The following TGFA variants were observed in gnomAD, a reference collection of about 807,000 sequenced individuals.
The protein encoded by TGFA is transforming growth factor alpha.
Under a neutral mutation model 21.7 loss-of-function variants are expected in TGFA, and 12 were observed. That is an observed-to-expected ratio of 0.55 (90% confidence interval 0.35 to 0.90). The LOEUF (loss-of-function observed/expected upper bound fraction) is 0.90. Among genes scored for constraint, TGFA ranks in the 40% least tolerant of loss-of-function variants. The pLI is 0.01. For missense variants in TGFA, 178 were observed against 210.8 expected (o/e 0.84, Z 0.96); for synonymous variants, 79 against 88.1 (o/e 0.90, Z 0.58).
chr2:70,500,612 T>C (rs1348911718), intron 2 of TGFA, among the ~76,000 whole-genome samples: 7 of 152,224 alleles, frequency 4.6e-5, no homozygotes, highest in Non-Finnish European at 1.0e-4. Flanking sequence ...CATTTTGACT[T>C]GAAACGTGAC....
At chr2:70,505,941 C>G (rs572217730) in intron 2 of TGFA, among the ~76,000 whole-genome samples, 1 of 152,306 alleles carries the variant, frequency 6.6e-6, no homozygotes, top group African/African-American at 2.4e-5. Flanking sequence ...ATAAAGCAAA[C>G]AGTGGGAGAG....
chr2:70,529,436 G>A (rs1553503406), intron 1 of TGFA, among the ~76,000 whole-genome samples: 4 of 152,154 alleles, frequency 2.6e-5, no homozygotes. Context: ...ACAGACACTG[G>A]AGCATTTTTC....
intron 3 of TGFA, among the ~76,000 whole-genome samples, chr2:70,459,613 C>T (rs75673509): frequency 0.028 from 4,195 of 152,250 alleles, 182 homozygotes; most frequent in African/African-American, 0.087. Flanking sequence ...CAGACAGTGC[C>T]GTCTTAATGC....
At chr2:70,476,716 G>A (rs147549084) in intron 2 of TGFA, among the ~76,000 whole-genome samples, 124 of 152,324 alleles carry the variant, frequency 8.1e-4, no homozygotes, top group African/African-American at 2.5e-3. Context: ...TGCAGATGCC[G>A]TGTGGGTGGA....
Position 70,471,104 on chromosome 2 carries a change from C to G in TGFA, c.95-5368G>C, listed in dbSNP as rs1221563982. On this transcript the variant is annotated intron_variant, in intron 2 of 5. Coordinates refer to ENST00000295400, the MANE Select transcript of TGFA (RefSeq NM_003236.4). ...CTATTCTGTTACGTGCATTCTCCTC[C>G]CCGCACCCCCCCCACCATATAACCA... 3.6e-5 allele frequency among the ~76,000 whole-genome samples: 5 copies of G among 139,846 alleles called. No individual in the cohort carries two copies. In the Admixed American group the frequency reaches 3.8e-4, roughly 11 times the overall value. The allele number at this position is 139,846 out of a possible 152,430, so 91.7% of individuals were successfully genotyped here. A position where few individuals can be genotyped will look rare whatever the true frequency, so the allele number is the denominator to read the frequency against.
chr2:70,500,990 CAG>C, intron 2 of TGFA, among the ~76,000 whole-genome samples: 1 of 149,476 alleles, frequency 6.7e-6, no homozygotes. Flanking sequence ...AAAAAAATTG[CAG>C]AGACTGATGT....
chr2:70,474,644 G>A (rs1670868990), intron 2 of TGFA, among the ~76,000 whole-genome samples: 1 of 152,232 alleles, frequency 6.6e-6, no homozygotes, highest in South Asian at 2.1e-4. Flanking sequence ...GCTGGAAGTA[G>A]GGTGGTGGCT....
intron 2 of TGFA, among the ~76,000 whole-genome samples, chr2:70,470,791 A>G (rs1670718122): frequency 6.6e-6 from 1 of 152,160 alleles, no homozygotes; most frequent in Admixed American, 6.5e-5. Context: ...CTCAGCCCAA[A>G]GGGCAGAGAG....
At chr2:70,492,463 G>A (rs1207933728) in intron 2 of TGFA, among the ~76,000 whole-genome samples, 3 of 152,124 alleles carry the variant, frequency 2.0e-5, no homozygotes, top group African/African-American at 4.8e-5. Flanking sequence ...TCTCACCATC[G>A]CCAGGCAAAC....
At position 70,518,528 on chromosome 2, in the gene TGFA, A is replaced by G. The variant is rs1672355406; in HGVS notation, c.41-3616T>C. 2.0e-5 allele frequency among the ~76,000 whole-genome samples: 3 copies of G among 152,274 alleles called. No homozygotes were observed. In the South Asian group the frequency reaches 6.2e-4, roughly 32 times the overall value. On this transcript the variant is annotated intron_variant, in intron 1 of 5. Transcript: ENST00000295400. ...TTAGCTCATGAGTCCCCAGAAGTGG[A>G]GCCATCCCAAAACCTATGTGCTGAT...
At chr2:70,465,850 T>G (rs111677941) in intron 2 of TGFA, 114 bp from the exon 3 acceptor site, 38 of 1,476,816 alleles carry the variant, frequency 2.6e-5, no homozygotes, top group Non-Finnish European at 3.5e-5. Context: ...GACTTTGGGT[T>G]CTCACCTGGG....
At chr2:70,514,002 G>A (rs75520173) in intron 2 of TGFA, among the ~76,000 whole-genome samples, 1 of 152,176 alleles carries the variant, frequency 6.6e-6, no homozygotes, top group Admixed American at 6.5e-5. Context: ...GGAGACACAT[G>A]CTGAGGAAAG....
At chr2:70,520,811 C>T (rs1342605132) in intron 1 of TGFA, among the ~76,000 whole-genome samples, 1 of 152,096 alleles carries the variant, frequency 6.6e-6, no homozygotes, top group Non-Finnish European at 1.5e-5. Flanking sequence ...TCTCCAACCT[C>T]CACCACTCTC....
intron 2 of TGFA, among the ~76,000 whole-genome samples, chr2:70,473,697 T>C (rs1210228571): frequency 6.6e-6 from 1 of 151,854 alleles, no homozygotes; most frequent in Non-Finnish European, 1.5e-5. Flanking sequence ...GTGTGTGGGA[T>C]GGTGGAGATG....
intron 1 of TGFA, among the ~76,000 whole-genome samples, chr2:70,526,612 T>C (rs1672643629): frequency 6.6e-6 from 1 of 152,154 alleles, no homozygotes; most frequent in Admixed American, 6.5e-5. Flanking sequence ...TTTAGCAGTG[T>C]CAATTTAAGA....
chr2:70,494,305 A>C (rs1671516803), intron 2 of TGFA, among the ~76,000 whole-genome samples: 1 of 152,244 alleles, frequency 6.6e-6, no homozygotes, highest in East Asian at 1.9e-4. Flanking sequence ...TTTGCCATGT[A>C]AGGTAGCATA....
chr2:70,491,461 A>C (rs1454392784), intron 2 of TGFA, among the ~76,000 whole-genome samples: 2 of 152,220 alleles, frequency 1.3e-5, no homozygotes, highest in Non-Finnish European at 2.9e-5. Context: ...CACTCCACTC[A>C]AGATGGCTCC....
chr2:70,465,570 G>A, intron 3 of TGFA, 46 bp downstream of exon 3: 1 of 1,612,080 alleles, frequency 6.2e-7, no homozygotes, highest in Non-Finnish European at 8.5e-7. Context: ...ATTGGATATT[G>A]GACTGACCCC....
intron 1 of TGFA, among the ~76,000 whole-genome samples, chr2:70,550,616 G>A (rs914132299): frequency 1.3e-5 from 2 of 152,058 alleles, no homozygotes; most frequent in African/African-American, 2.4e-5. Flanking sequence ...GTCAGGAGAT[G>A]CAGACCATCC....
Sources: allele counts gnomAD v4.1 joint callset (sites outside exome capture counted in the v4.1 genomes callset), GRCh38; gene constraint gnomAD v4.1.1; transcripts MANE v1.5; gene names NCBI Gene and HGNC (gene_info 2026-07-23, HGNC 2026-07-21).